Variants in PHLDB3 observed in about 807,000 individuals in gnomAD.
PHLDB3 encodes the protein pleckstrin homology like domain family B member 3.
Under a neutral mutation model 85.7 loss-of-function variants are expected in PHLDB3, and 86 were observed. That is an observed-to-expected ratio of 1.00 (90% CI 0.84 to 1.20). The LOEUF is 1.20. PHLDB3 is among the 50% of genes most tolerant of loss of function. PHLDB3 has a pLI of 0.00. For synonymous variants in PHLDB3, 376 were observed against 349.8 expected (o/e 1.07, Z -0.83); for missense variants, 995 against 873.0 (o/e 1.14, Z -1.76).
At chr19:43,501,226 G>T (rs1263633818) in intron 4 of PHLDB3, among the ~76,000 whole-genome samples, 1 of 136,164 alleles carries the variant, frequency 7.3e-6, no homozygotes, top group East Asian at 2.2e-4. Flanking sequence ...TGTCACGCAG[G>T]CTGCTGGAGT....
chr19:43,485,947 A>T (rs1386562714), intron 13 of PHLDB3: 1 of 983,162 alleles, frequency 1.0e-6, no homozygotes, highest in East Asian at 1.1e-4. Flanking sequence ...AGGCAGGAGG[A>T]TTGCTTGAGG....
At chr19:43,484,377 G>A (rs1971109607) in intron 13 of PHLDB3, among the ~76,000 whole-genome samples, 1 of 149,244 alleles carries the variant, frequency 6.7e-6, no homozygotes, top group South Asian at 2.1e-4. Context: ...AATCTCATAA[G>A]ATGTGACAAT....
At position 43,479,310 on chromosome 19, in the gene PHLDB3, G is replaced by A. The variant is rs1018266728; in HGVS notation, c.1702+67C>T. On this transcript the variant is annotated intron_variant, in intron 14 of 15. Coordinates refer to ENST00000292140, the MANE Select transcript of PHLDB3 (RefSeq NM_198850.4). Reference sequence around the variant, plus strand: ...GTGGGGGCCAGGACTTCTGGTGCCTGTAGAGGAAAGGCCTCCGGAGTGGAA... The same window carrying A: ...GTGGGGGCCAGGACTTCTGGTGCCTATAGAGGAAAGGCCTCCGGAGTGGAA... The A allele has an allele frequency of 9.4e-6, 14 of 1,481,592 alleles. No individual in the cohort carries two copies. In the African/African-American group the frequency reaches 1.3e-4, roughly 13 times the overall value. The allele number at this position is 1,481,592 out of a possible 1,614,324, so 91.8% of individuals were successfully genotyped here.
At chr19:43,491,415 G>A (rs1275360284) in intron 9 of PHLDB3, among the ~76,000 whole-genome samples, 1 of 152,184 alleles carries the variant, frequency 6.6e-6, no homozygotes, top group Admixed American at 6.6e-5. Flanking sequence ...AATTCCATAA[G>A]ATTCAAAGTG....
chr19:43,483,992 C>T (rs1184656404), intron 13 of PHLDB3, among the ~76,000 whole-genome samples: 1 of 151,778 alleles, frequency 6.6e-6, no homozygotes, highest in Non-Finnish European at 1.5e-5. Flanking sequence ...TAGCTCATGC[C>T]TGTAATGCCA....
rs78397330 is a variant in PHLDB3 at position 43,487,656 on chromosome 19, T to C, written c.1150-533A>G. On this transcript the variant is annotated intron_variant, in intron 9 of 15. Transcript: ENST00000292140. Reference sequence around the variant, plus strand: ...TTAACATAGAAATGGGAAGTAGAATTGTGGTTGCCCGGACTGGGGTAGATC... The same window carrying C: ...TTAACATAGAAATGGGAAGTAGAATCGTGGTTGCCCGGACTGGGGTAGATC... Among the ~76,000 whole-genome samples, 1,073 of 151,136 alleles carry C rather than the reference T, an allele frequency of 7.1e-3. 16 individuals are homozygous for C. Among genetic ancestry groups the C allele is most frequent in the East Asian group, 0.07 (355 of 5,104 alleles).
intron 6 of PHLDB3, 156 bp from the exon 7 acceptor site, chr19:43,495,776 T>C (rs1242926839): frequency 9.7e-7 from 1 of 1,032,404 alleles, no homozygotes; most frequent in Admixed American, 3.0e-5. Context: ...TTCAGCTCCC[T>C]GGACCCTCTT....
At chr19:43,491,678 T>TG (rs1367547386) in intron 9 of PHLDB3, among the ~76,000 whole-genome samples, 1 of 151,300 alleles carries the variant, frequency 6.6e-6, no homozygotes, top group Non-Finnish European at 1.5e-5. Flanking sequence ...ATTTTTTTTT[T>TG]TTTTTTGAGA....
At chr19:43,489,188 A>G (rs1409414079) in intron 9 of PHLDB3, among the ~76,000 whole-genome samples, 2 of 152,062 alleles carry the variant, frequency 1.3e-5, no homozygotes, top group Admixed American at 6.6e-5. Flanking sequence ...GAAAAGAAAA[A>G]AAACAGAACA....
rs756523977 is a variant in PHLDB3, at chr19:43,487,027, T to C, written c.1246A>G (p.Thr416Ala). ...TGGGGAACAGGGGGATCCTCACCAGTACAATGGAAGGACAGAGGTCGGGGG... is the reference window on the plus strand; with the variant it reads ...TGGGGAACAGGGGGATCCTCACCAGCACAATGGAAGGACAGAGGTCGGGGG... ...GSPRPLSFHC[T>A]ESLEASALPP... Residue 416 changes from threonine (T) to alanine (A), a missense_variant, in exon 10 of 16, where the codon ACT becomes GCT. By Grantham distance (58) the Thr-to-Ala change is moderately conservative (BLOSUM62 0). Coordinates refer to ENST00000292140, the MANE Select transcript of PHLDB3 (RefSeq NM_198850.4). The C allele has an allele frequency of 6.4e-7, 1 of 1,563,894 alleles. No individual in the cohort carries two copies. The highest frequency in any genetic ancestry group is 2.0e-5 in the Admixed American group (1 of 50,840).
intron 13 of PHLDB3, among the ~76,000 whole-genome samples, chr19:43,479,917 G>C (rs1283588988): frequency 2.0e-5 from 3 of 151,832 alleles, no homozygotes; most frequent in Non-Finnish European, 4.4e-5. Context: ...ACTGGGACAC[G>C]AACCCAGGTA....
chr19:43,492,203 C>T (rs185218423), intron 9 of PHLDB3, among the ~76,000 whole-genome samples: 9 of 150,848 alleles, frequency 6.0e-5, no homozygotes, highest in East Asian at 2.0e-4. Context: ...CGCCTGTCTC[C>T]GCCTCCCAAA....
intron 4 of PHLDB3, among the ~76,000 whole-genome samples, chr19:43,500,916 C>CG (rs1469711615): frequency 9.1e-6 from 1 of 109,802 alleles, no homozygotes; most frequent in African/African-American, 3.4e-5. Context: ...CGTACCCCCC[C>CG]CCCACCCCGC....
In PHLDB3 at chr19:43,475,145, C is replaced by T; in HGVS notation, c.*265G>A. 2.3e-6 allele frequency: 1 copy of T among 425,646 alleles called. No homozygotes were observed. The highest frequency in any genetic ancestry group is 2.9e-5 in the South Asian group (1 of 34,386). 26.4% of individuals were successfully genotyped at this position (425,646 alleles called of 1,614,324 possible). A position where few individuals can be genotyped will look rare whatever the true frequency, so the allele number is the denominator to read the frequency against. On this transcript the variant is annotated 3_prime_UTR_variant, in exon 16 of 16. Transcript: ENST00000292140. Reference sequence around the variant, plus strand: ...TATTTAATTCGGTATCACAGGAGCACCAATAAATAGTTTCTTCCCGCCCCT... The same window carrying T: ...TATTTAATTCGGTATCACAGGAGCATCAATAAATAGTTTCTTCCCGCCCCT...
chr19:43,492,123 T>G (rs556123328), intron 9 of PHLDB3, among the ~76,000 whole-genome samples: 26 of 149,510 alleles, frequency 1.7e-4, no homozygotes, highest in African/African-American at 5.7e-4. Flanking sequence ...CGGCTAATTT[T>G]TGTATTTTTA....
rs538831916 is a variant in PHLDB3 at position 43,485,138 on chromosome 19, G to A, written c.1485+1128C>T. ...CAATATTGAAAATGATTAAAGCTGC[G>A]CAGTGGGCACCTGGGGGTCTATTAA... On this transcript the variant is annotated intron_variant, in intron 13 of 15. Transcript: ENST00000292140. Among the ~76,000 whole-genome samples, 20 of 151,918 alleles carry A rather than the reference G, an allele frequency of 1.3e-4. No individual in the cohort carries two copies. The South Asian group carries it at 1.5e-3, about 11-fold the overall frequency.
At chr19:43,492,242 C>T (rs769265640) in intron 9 of PHLDB3, among the ~76,000 whole-genome samples, 3 of 151,234 alleles carry the variant, frequency 2.0e-5, no homozygotes, top group Non-Finnish European at 4.4e-5. Flanking sequence ...TGAGCCACCG[C>T]GCCCAGCCAA....
chr19:43,487,161 C>T, intron 9 of PHLDB3, 38 bp from the exon 10 acceptor site: 1 of 1,529,794 alleles, frequency 6.5e-7, no homozygotes, highest in Non-Finnish European at 8.9e-7. Context: ...AGGAAAAAGG[C>T]TTGATCTCCA....
rs750498333 is a variant in PHLDB3, at chr19:43,475,493, A to G, written c.1840T>C (p.Tyr614His). The change falls in exon 16 of 16, where the codon TAC (tyrosine) becomes CAC (histidine). Residue 614 changes from tyrosine (Y) to histidine (H), a missense_variant. Transcript: ENST00000292140. ...FCVKTYERLFYMVAPSPEAMR... is the reference protein window; with the variant it reads ...FCVKTYERLFHMVAPSPEAMR... Reference sequence around the variant, plus strand: ...GCTTCGGGGCTCGGAGCCACCATGTAGAAAAGGCGTTCGTAGGTTTTGACG... The same window carrying G: ...GCTTCGGGGCTCGGAGCCACCATGTGGAAAAGGCGTTCGTAGGTTTTGACG... 1.2e-5 allele frequency: 19 copies of G among 1,613,850 alleles called. No individual in the cohort carries two copies. Among genetic ancestry groups the G allele is most frequent in the Non-Finnish European group, 1.5e-5 (18 of 1,179,894 alleles).
Sources: gnomAD v4.1 joint callset for allele counts (sites outside exome capture counted in the v4.1 genomes callset) on GRCh38, gnomAD v4.1.1 for gene constraint, MANE v1.5 for transcripts, NCBI Gene and HGNC (gene_info 2026-07-23, HGNC 2026-07-21) for gene names.